The following NCAM2 variants were observed in gnomAD, a reference collection of about 807,000 sequenced individuals.
NCAM2 encodes the protein N-CAM-2.
Under a neutral mutation model 98.1 loss-of-function variants are expected in NCAM2, and 30 were observed. The ratio of observed to expected loss-of-function variants is 0.31; its 90% CI spans 0.23 to 0.41. The LOEUF (loss-of-function observed/expected upper bound fraction) is 0.41, where lower values mean the gene tolerates loss of function less well. NCAM2 is among the 10% of genes least tolerant of loss of function. The pLI is 1.00. For synonymous variants in NCAM2, 368 were observed against 342.4 expected, an observed-to-expected ratio of 1.07 and a Z score of -0.83; for missense variants, 867 against 1,005.8, an observed-to-expected ratio of 0.86 and a Z score of 1.87.
rs558304398 is a variant in NCAM2 at position 21,352,735 on chromosome 21, A to T, written c.1044+14201A>T. On this transcript the variant is annotated intron_variant, in intron 8 of 17. Coordinates refer to ENST00000400546, the MANE Select transcript of NCAM2 (RefSeq NM_004540.5). Reference sequence around the variant, plus strand: ...CTTGAAAGTGTTTTTCTAGTTATACATTTAGAAGAATGTATAACTAGAAAA... The same window carrying T: ...CTTGAAAGTGTTTTTCTAGTTATACTTTTAGAAGAATGTATAACTAGAAAA... 3.3e-5 allele frequency among the ~76,000 whole-genome samples: 5 copies of T among 150,142 alleles called. No homozygotes were observed. The South Asian group carries it at 1.1e-3, about 32-fold the overall frequency.
At position 21,315,121 on chromosome 21, in the gene NCAM2, T is replaced by A. The variant is rs192716062; in HGVS notation, c.620-9262T>A. Among the ~76,000 whole-genome samples, 1,096 of 152,332 alleles carry A rather than the reference T, an allele frequency of 7.2e-3. 13 individuals are homozygous for A. The highest frequency in any genetic ancestry group is 0.013 in the South Asian group (65 of 4,830). On this transcript the variant is annotated intron_variant, in intron 5 of 17. Transcript: ENST00000400546. ...TTTGTTTAGATCAGACAACAAATTC[T>A]GACCATCTTTCTTGGTTTTATATTC...
chr21:21,367,024 G>C (rs370871978), intron 8 of NCAM2, among the ~76,000 whole-genome samples: 1 of 152,076 alleles, frequency 6.6e-6, no homozygotes, highest in Non-Finnish European at 1.5e-5. Context: ...TGGTATCGCT[G>C]TTCACAGGGT....
At chr21:21,508,774 TA>T in intron 15 of NCAM2, 76 bp from the exon 16 acceptor site, 1 of 1,016,962 alleles carries the variant, frequency 9.8e-7, no homozygotes, top group Non-Finnish European at 1.4e-6. Flanking sequence ...AATCATCTAA[TA>T]TTTTCTAATT....
rs537031812 is a variant in NCAM2 at position 21,517,712 on chromosome 21, G to C, written c.2282+8657G>C. Among the ~76,000 whole-genome samples, 4 of 152,198 alleles carry C rather than the reference G, an allele frequency of 2.6e-5. No individual in the cohort carries two copies. In the South Asian group the frequency reaches 8.3e-4, roughly 32 times the overall value. On this transcript the variant is annotated intron_variant, in intron 16 of 17. Transcript: ENST00000400546. ...GTCTTTACTAAAAATACAAAAATTA[G>C]CTTGGCGTGGTGGTGCATGCCTGTA... is the stretch of plus-strand genomic sequence containing the variant.
chr21:21,327,662 A>G (rs889750474), intron 6 of NCAM2, among the ~76,000 whole-genome samples: 4 of 152,170 alleles, frequency 2.6e-5, no homozygotes, highest in African/African-American at 7.2e-5. Context: ...TCAGCCAACC[A>G]AACAAAAACC....
chr21:21,520,591 C>T (rs998068183), intron 16 of NCAM2, among the ~76,000 whole-genome samples: 5 of 152,130 alleles, frequency 3.3e-5, no homozygotes, highest in Non-Finnish European at 7.4e-5. Context: ...TTCAGCCCAG[C>T]ATGCAAAGAG....
chr21:21,363,518 A>G (rs1042305603), intron 8 of NCAM2, among the ~76,000 whole-genome samples: 2 of 152,180 alleles, frequency 1.3e-5, no homozygotes, highest in African/African-American at 4.8e-5. Context: ...TAGCAAAGAT[A>G]CATATAATTT....
intron 5 of NCAM2, among the ~76,000 whole-genome samples, chr21:21,295,119 C>T (rs901632225): frequency 3.3e-5 from 5 of 151,716 alleles, no homozygotes; most frequent in Admixed American, 6.6e-5. Flanking sequence ...CCCAAATGCC[C>T]CAGTCAAATG....
chr21:21,400,878 G>C (rs922693576), intron 9 of NCAM2, among the ~76,000 whole-genome samples: 1 of 152,118 alleles, frequency 6.6e-6, no homozygotes, highest in Non-Finnish European at 1.5e-5. Context: ...ATATGGACTA[G>C]TGCTACTTTA....
At position 21,537,231 on chromosome 21, in the gene NCAM2, G is replaced by A. The variant is rs527818044; in HGVS notation, c.2403-615G>A. ...CCGTCTAATTTTTGTAATTTTAGTA[G>A]ATACCTGGTTTCACCGTTTTGGCCA... On this transcript the variant is annotated intron_variant, in intron 17 of 17. Transcript: ENST00000400546. 6.0e-4 allele frequency among the ~76,000 whole-genome samples: 91 copies of A among 152,046 alleles called. No individual in the cohort carries two copies. In the South Asian group the frequency reaches 0.012, roughly 19 times the overall value.
chr21:21,229,891 G>A (rs1180877017), intron 1 of NCAM2, among the ~76,000 whole-genome samples: 1 of 151,294 alleles, frequency 6.6e-6, no homozygotes, highest in African/African-American at 2.4e-5. Flanking sequence ...ACTGTAAATT[G>A]GTCAGTGTTT....
intron 12 of NCAM2, among the ~76,000 whole-genome samples, chr21:21,443,141 C>G (rs1364457667): frequency 6.6e-6 from 1 of 152,238 alleles, no homozygotes; most frequent in African/African-American, 2.4e-5. Flanking sequence ...ATGGATGAAG[C>G]TGGAAACCAT....
In NCAM2 at chr21:21,335,451, C is replaced by A. The variant is rs140509157; in HGVS notation, c.738-54C>A. 3,889 of 1,454,660 alleles carry A rather than the reference C, an allele frequency of 2.7e-3. 47 individuals are homozygous for A. The South Asian group carries it at 0.027, about 10-fold the overall frequency. 90.1% of individuals were successfully genotyped at this position (1,454,660 alleles called of 1,614,324 possible). A position where few individuals can be genotyped will look rare whatever the true frequency, so the allele number is the denominator to read the frequency against. On this transcript the variant is annotated intron_variant, in intron 6 of 17. Coordinates refer to ENST00000400546, the MANE Select transcript of NCAM2 (RefSeq NM_004540.5). Reference sequence around the variant, plus strand: ...TATAGATTAAAAAGTTGATTAAAATCTACTAAATTATAAAGCCAGATCTGT... The same window carrying A: ...TATAGATTAAAAAGTTGATTAAAATATACTAAATTATAAAGCCAGATCTGT...
chr21:21,079,703 A>C (rs187200071), intron 1 of NCAM2, among the ~76,000 whole-genome samples: 9 of 152,058 alleles, frequency 5.9e-5, no homozygotes, highest in Admixed American at 5.9e-4. Flanking sequence ...TCTCCTTCAC[A>C]TTATCACTGG....
chr21:21,204,378 T>A (rs2147044298), intron 1 of NCAM2, among the ~76,000 whole-genome samples: 1 of 152,278 alleles, frequency 6.6e-6, no homozygotes, highest in South Asian at 2.1e-4. Context: ...GTAGCTTTCT[T>A]ATACAGGGTA....
chr21:21,372,150 A>G (rs75428215), intron 8 of NCAM2, among the ~76,000 whole-genome samples: 389 of 151,996 alleles, frequency 2.6e-3, no homozygotes, highest in African/African-American at 9.0e-3. Context: ...TTTGACAATT[A>G]AAATTGTCAA....
intron 1 of NCAM2, among the ~76,000 whole-genome samples, chr21:21,013,168 TATTGAAAGCCAAAA>T: frequency 6.6e-6 from 1 of 152,282 alleles, no homozygotes; most frequent in African/African-American, 2.4e-5. Context: ...GAGGAAGGCA[TATTGAAAGCCAAAA>T]TAGGCCAAAA....
chr21:21,097,594 CT>C (rs948017794), intron 1 of NCAM2, among the ~76,000 whole-genome samples: 4 of 151,598 alleles, frequency 2.6e-5, no homozygotes, highest in Non-Finnish European at 1.5e-5. Context: ...CCTATTTACA[CT>C]GCACAAACTT....
chr21:21,137,511 G>A (rs956703594), intron 1 of NCAM2, among the ~76,000 whole-genome samples: 4 of 152,136 alleles, frequency 2.6e-5, no homozygotes, highest in Admixed American at 2.0e-4. Context: ...GGGTGCTGTG[G>A]CTCACGCCTG....
Sources: allele counts gnomAD v4.1 joint callset (sites outside exome capture counted in the v4.1 genomes callset), GRCh38; gene constraint gnomAD v4.1.1; transcripts MANE v1.5; gene names NCBI Gene and HGNC (gene_info 2026-07-23, HGNC 2026-07-21).